The following PLA2R1 variants were observed in gnomAD, a reference collection of about 807,000 sequenced individuals.
PLA2R1 encodes the protein phospholipase A2 receptor 1.
In PLA2R1, 158 loss-of-function variants were observed where a neutral mutation model predicts 195.9. The ratio of observed to expected loss-of-function variants is 0.81; its 90% confidence interval spans 0.71 to 0.92. PLA2R1 has a LOEUF of 0.92. Ranked by LOEUF, PLA2R1 falls within the 40% of genes least tolerant of loss-of-function variation. The pLI, the probability that PLA2R1 is intolerant of heterozygous loss-of-function variation, is 0.00. For synonymous variants in PLA2R1, 586 were observed against 598.2 expected (o/e 0.98, Z 0.30); for missense variants, 1,626 against 1,764.6 (o/e 0.92, Z 1.41).
At position 159,935,769 on chromosome 2, in the gene PLA2R1, A is replaced by G. The variant is rs566282042; in HGVS notation, c.*6009T>C. 1 of 152,184 alleles carries G rather than the reference A, an allele frequency of 6.6e-6. No individual in the cohort carries two copies. Among genetic ancestry groups the G allele is most frequent in the Admixed American group, 6.5e-5 (1 of 15,280 alleles). The allele number at this position is 152,184 out of a possible 1,614,324, so 9.4% of individuals were successfully genotyped here. Reference sequence around the variant, plus strand: ...AACAATTTGAATTCTATCATAATCTATTTAAAAATAGAAATAACCTCTTCA... The same window carrying G: ...AACAATTTGAATTCTATCATAATCTGTTTAAAAATAGAAATAACCTCTTCA... On this transcript the variant is annotated 3_prime_UTR_variant, in exon 30 of 30. Transcript: ENST00000283243.
chr2:160,045,975 G>A (rs1694838256), intron 1 of PLA2R1, among the ~76,000 whole-genome samples: 1 of 152,190 alleles, frequency 6.6e-6, no homozygotes, highest in African/African-American at 2.4e-5. Flanking sequence ...AAGGGATTTG[G>A]GTGAGTTTCC....
At position 159,933,779 on chromosome 2, in the gene PLA2R1, A is replaced by C. The variant is rs1686689023; in HGVS notation, c.*7999T>G. The C allele has an allele frequency of 6.6e-6, 1 of 152,234 alleles. No individual in the cohort carries two copies. Among genetic ancestry groups the C allele is most frequent in the Non-Finnish European group, 1.5e-5 (1 of 68,044 alleles). The allele number at this position is 152,234 out of a possible 1,614,324, so 9.4% of individuals were successfully genotyped here. The stretch of plus-strand genomic sequence containing the variant: ...TAACAGTGCTTGCTAAGATACGTTA[A>C]AGTATGTAAGACTTCCCCATTTAGG... On this transcript the variant is annotated 3_prime_UTR_variant, in exon 30 of 30. Transcript: ENST00000283243.
At chr2:159,989,504 A>G (rs1457401389) in intron 11 of PLA2R1, among the ~76,000 whole-genome samples, 2 of 152,220 alleles carry the variant, frequency 1.3e-5, no homozygotes, top group African/African-American at 2.4e-5. Flanking sequence ...AACCTCATGG[A>G]AAGAACTTCG....
At chr2:159,981,217 G>GTGTGTC (rs1689928501) in intron 13 of PLA2R1, among the ~76,000 whole-genome samples, 1 of 23,828 alleles carries the variant, frequency 4.2e-5, no homozygotes, top group African/African-American at 4.2e-4. Flanking sequence ...ATGTGCATAC[G>GTGTGTC]TGTGTGTGTG....
At chr2:160,032,135 T>C (rs554516386) in intron 4 of PLA2R1, among the ~76,000 whole-genome samples, 10 of 152,370 alleles carry the variant, frequency 6.6e-5, no homozygotes, top group African/African-American at 2.2e-4. Context: ...TTATATGTTT[T>C]TGCAGAGAAA....
chr2:159,940,500 C>T lies in PLA2R1; in HGVS notation c.*1278G>A, dbSNP rs1361671208. 1 of 152,192 alleles carries T rather than the reference C, an allele frequency of 6.6e-6. No homozygotes were observed. 9.4% of individuals were successfully genotyped at this position (152,192 alleles called of 1,614,324 possible). A position where few individuals can be genotyped will look rare whatever the true frequency, so the allele number is the denominator to read the frequency against. On this transcript the variant is annotated 3_prime_UTR_variant, in exon 30 of 30. Coordinates refer to ENST00000283243, the MANE Select transcript of PLA2R1 (RefSeq NM_007366.5). ...CCTTCAACTTCTGGGCTCAGTTGATCCTCTTCCCTCAGCCTCCTAAGTAGC... is the reference window on the plus strand; with the variant it reads ...CCTTCAACTTCTGGGCTCAGTTGATTCTCTTCCCTCAGCCTCCTAAGTAGC...
intron 6 of PLA2R1, among the ~76,000 whole-genome samples, chr2:160,026,893 G>C (rs1229945316): frequency 1.3e-5 from 2 of 152,178 alleles, no homozygotes; most frequent in South Asian, 4.1e-4. Context: ...CAGCACTTTG[G>C]GAGGCTGAGG....
At chr2:159,929,872 G>GTATATATA (rs71000319), downstream of PLA2R1, among the ~76,000 whole-genome samples, 7 of 148,232 alleles carry the variant, frequency 4.7e-5, no homozygotes, top group Middle Eastern at 3.6e-3. Context: ...GTGTGTGTGT[G>GTATATATA]TATATATATA....
intron 20 of PLA2R1, among the ~76,000 whole-genome samples, chr2:159,964,962 G>A (rs1688690839): frequency 1.3e-5 from 2 of 152,162 alleles, no homozygotes; most frequent in South Asian, 2.1e-4. Flanking sequence ...GGGAGATAAA[G>A]GTTGCAGTGA....
chr2:160,009,501 T>C (rs184087342), intron 10 of PLA2R1, among the ~76,000 whole-genome samples: 1 of 151,708 alleles, frequency 6.6e-6, no homozygotes, highest in East Asian at 1.9e-4. Flanking sequence ...AGACAGAAAA[T>C]AGAATAGTAG....
At chr2:159,950,580 T>C (rs1444884495) in intron 24 of PLA2R1, among the ~76,000 whole-genome samples, 1 of 152,244 alleles carries the variant, frequency 6.6e-6, no homozygotes, top group Non-Finnish European at 1.5e-5. Flanking sequence ...AAAGAATTCA[T>C]GAGATTTTTA....
At chr2:160,020,448 T>G (rs1693035096) in intron 7 of PLA2R1, among the ~76,000 whole-genome samples, 185 bp from the exon 8 acceptor site, 2 of 152,218 alleles carry the variant, frequency 1.3e-5, no homozygotes, top group Non-Finnish European at 1.5e-5. Context: ...CTGCTATGGT[T>G]TGAATGTTTG....
chr2:160,021,422 T>C (rs985318087), intron 7 of PLA2R1, among the ~76,000 whole-genome samples: 5 of 152,182 alleles, frequency 3.3e-5, no homozygotes, highest in Admixed American at 6.5e-5. Flanking sequence ...TATATATATA[T>C]ACACATACAC....
intron 11 of PLA2R1, among the ~76,000 whole-genome samples, chr2:159,999,803 A>C (rs1390350654): frequency 1.3e-5 from 2 of 152,322 alleles, no homozygotes; most frequent in Non-Finnish European, 2.9e-5. Flanking sequence ...ATTGAGCAGT[A>C]GACTGAATAC....
At position 159,967,611 on chromosome 2, in the gene PLA2R1, G is replaced by C. The variant is rs771284691; in HGVS notation, c.2832C>G (p.Leu944=). The change falls in exon 20 of 30, where the codon CTC becomes CTG. Residue 944 remains leucine (L), a synonymous_variant. Transcript: ENST00000283243. ...PSICKRKKVW[L]IEKKKDTPKQ... The stretch of plus-strand genomic sequence containing the variant: ...TTGGTGTATCTTTCTTTTTCTCTAT[G>C]AGCCAAACCTTTTTTCGCTTACAGA... 3.7e-6 allele frequency: 6 copies of C among 1,613,392 alleles called. No individual in the cohort carries two copies. Among genetic ancestry groups the C allele is most frequent in the Non-Finnish European group, 4.2e-6 (5 of 1,179,458 alleles).
At position 160,026,111 on chromosome 2, in the gene PLA2R1, T is replaced by C. The variant is rs541622921; in HGVS notation, c.1099+2107A>G. Among the ~76,000 whole-genome samples, 4 of 152,310 alleles carry C rather than the reference T, an allele frequency of 2.6e-5. No homozygotes were observed. The East Asian group carries it at 7.7e-4, about 29-fold the overall frequency. ...TTTTACTATCTATATATGTATCCTA[T>C]GACATCATGTTGAATACTTTGAACA... On this transcript the variant is annotated intron_variant, in intron 6 of 29. Transcript: ENST00000283243.
At chr2:160,032,508 A>C (rs1344043431) in intron 4 of PLA2R1, among the ~76,000 whole-genome samples, 1 of 152,178 alleles carries the variant, frequency 6.6e-6, no homozygotes, top group African/African-American at 2.4e-5. Context: ...TTTCCCACTA[A>C]ATTTTAAGGT....
At chr2:160,062,205 C>T in intron 1 of PLA2R1, 90 bp downstream of exon 1, 1 of 1,055,406 alleles carries the variant, frequency 9.5e-7, no homozygotes, top group Non-Finnish European at 1.3e-6. Flanking sequence ...GCCAGCTTGG[C>T]CCCTAGCTTC....
intron 20 of PLA2R1, among the ~76,000 whole-genome samples, chr2:159,962,360 C>T (rs944353492): frequency 5.9e-5 from 9 of 152,056 alleles, no homozygotes; most frequent in Non-Finnish European, 1.0e-4. Context: ...GTTAGAATGG[C>T]GATCATTAAA....
Sources: allele counts gnomAD v4.1 joint callset (sites outside exome capture counted in the v4.1 genomes callset), GRCh38; gene constraint gnomAD v4.1.1; transcripts MANE v1.5; gene names NCBI Gene and HGNC (gene_info 2026-07-23, HGNC 2026-07-21).